Variants in ESR2 observed in about 807,000 individuals in gnomAD.
ESR2 encodes the protein estrogen receptor 2.
A neutral mutation model predicts 49.6 loss-of-function variants in ESR2; 36 were observed. The observed-to-expected ratio is 0.73, with a 90% CI of 0.56 to 0.96. The LOEUF (loss-of-function observed/expected upper bound fraction) is 0.96. ESR2 is among the 40% of genes least tolerant of loss of function. The probability of loss-of-function intolerance (pLI) is 0.00; values close to 1 mark genes in which losing one functional copy is unlikely to be tolerated. For missense variants in ESR2, 714 were observed against 693.0 expected (o/e 1.03, Z -0.34); for synonymous variants, 320 against 266.1 (o/e 1.20, Z -1.97).
upstream of ESR2, among the ~76,000 whole-genome samples, chr14:64,296,801 A>G (rs1462337155): frequency 2.0e-5 from 3 of 152,288 alleles, no homozygotes; most frequent in East Asian, 5.8e-4. Flanking sequence ...ATACAAGGAA[A>G]CCTCACTGCA....
At chr14:64,247,029 A>G (rs1002169551) in intron 7 of ESR2, among the ~76,000 whole-genome samples, 2 of 152,140 alleles carry the variant, frequency 1.3e-5, no homozygotes, top group Non-Finnish European at 2.9e-5. Flanking sequence ...TTCAGGGGCT[A>G]ACCCCACCCT....
chr14:64,249,617 G>C lies in ESR2; in HGVS notation c.1154C>G (p.Ser385Ter). The C allele has an allele frequency of 6.2e-7, 1 of 1,613,806 alleles. No homozygotes were observed. Among genetic ancestry groups the C allele is most frequent in the Non-Finnish European group, 8.5e-7 (1 of 1,179,874 alleles). Residue 385 changes from serine (S) to a stop codon, truncating the protein, a stop_gained, in exon 7 of 9, where the codon TCA becomes TGA. Coordinates refer to ENST00000341099, the MANE Select transcript of ESR2 (RefSeq NM_001437.3). LOFTEE classifies it high-confidence loss of function. ...TTGGAGTTTTAACTCTCGAAACCTT[G>C]AAGTAGTTGCCAGGAGCATGTCAAA... ...EIFDMLLATTSRFRELKLQHK... is the reference protein window; with the variant it reads ...EIFDMLLATT
At chr14:64,307,615 A>AT (rs2077123147) in intron 1 of ESR2, among the ~76,000 whole-genome samples, 1 of 151,528 alleles carries the variant, frequency 6.6e-6, no homozygotes, top group Admixed American at 6.6e-5. Flanking sequence ...GCTCACTGCA[A>AT]TCTCCGCCTC....
rs150098685 is a variant in ESR2, at chr14:64,236,399, C to T, written c.1226-1249G>A. ...CCACTGTCGCCCCAGAGATGACTTGCCCTCCCACCGCAGGGGAAACAAGAC... is the reference window on the plus strand; with the variant it reads ...CCACTGTCGCCCCAGAGATGACTTGTCCTCCCACCGCAGGGGAAACAAGAC... On this transcript the variant is annotated intron_variant, in intron 7 of 8. Transcript: ENST00000341099. Among the ~76,000 whole-genome samples the T allele has an allele frequency of 3.3e-3, 506 of 152,248 alleles. 1 individual carries two copies. The highest frequency in any genetic ancestry group is 0.012 in the African/African-American group (483 of 41,536).
At chr14:64,287,137 G>A (rs182706872) in intron 1 of ESR2, among the ~76,000 whole-genome samples, 4 of 151,388 alleles carry the variant, frequency 2.6e-5, no homozygotes, top group Admixed American at 6.6e-5. Flanking sequence ...ACATTATTGT[G>A]CAACCAATCT....
At chr14:64,248,055 G>T (rs1401735670) in intron 7 of ESR2, among the ~76,000 whole-genome samples, 2 of 152,170 alleles carry the variant, frequency 1.3e-5, no homozygotes, top group Non-Finnish European at 2.9e-5. Context: ...TTATTCGGGT[G>T]TGGTGGCAGG....
chr14:64,228,340 CACTT>C lies in ESR2; in HGVS notation c.*4793_*4796del, dbSNP rs2098724181. Reference sequence around the variant, plus strand: ...CATTTTTAAAGCCAAAATAATGAAACACTTTATTTATATCATGTTAAACTCTCTA... The same window carrying C: ...CATTTTTAAAGCCAAAATAATGAAACTATTTATATCATGTTAAACTCTCTA... On this transcript the variant is annotated 3_prime_UTR_variant, in exon 9 of 9. Coordinates refer to ENST00000341099, the MANE Select transcript of ESR2 (RefSeq NM_001437.3). 6.6e-6 allele frequency among the ~76,000 whole-genome samples: 1 copy of C among 152,164 alleles called. No homozygotes were observed. Among genetic ancestry groups the C allele is most frequent in the South Asian group, 2.1e-4 (1 of 4,832 alleles).
chr14:64,292,314 T>C (rs1291935043), intron 1 of ESR2, among the ~76,000 whole-genome samples: 1 of 152,190 alleles, frequency 6.6e-6, no homozygotes, highest in Non-Finnish European at 1.5e-5. Context: ...TCAGTGATTT[T>C]CAGGGGCAGT....
chr14:64,267,488 T>C (rs1809849733), intron 4 of ESR2, among the ~76,000 whole-genome samples: 3 of 152,172 alleles, frequency 2.0e-5, no homozygotes, highest in Admixed American at 1.3e-4. Context: ...GAACTTCTGC[T>C]GTAACTGAAC....
chr14:64,269,834 G>C (rs890664224), intron 3 of ESR2, among the ~76,000 whole-genome samples: 1 of 152,168 alleles, frequency 6.6e-6, no homozygotes, highest in African/African-American at 2.4e-5. Context: ...GCAAGGAAGA[G>C]CTAAGAATAT....
At chr14:64,234,183 A>G (rs539623000) in intron 8 of ESR2, 5 of 152,402 alleles carry the variant, frequency 3.3e-5, no homozygotes, top group African/African-American at 9.6e-5. Flanking sequence ...GTGCTGAGCA[A>G]TCATTAAAGG....
intron 3 of ESR2, among the ~76,000 whole-genome samples, chr14:64,276,283 C>G (rs963501247): frequency 6.6e-6 from 1 of 151,770 alleles, no homozygotes; most frequent in African/African-American, 2.4e-5. Flanking sequence ...CAAGCAAATG[C>G]CAGAACCCAA....
intron 1 of ESR2, among the ~76,000 whole-genome samples, chr14:64,316,360 T>C: frequency 6.6e-6 from 1 of 152,244 alleles, no homozygotes; most frequent in South Asian, 2.1e-4. Flanking sequence ...CATATCCGGA[T>C]GGTCTCACTG....
intron 1 of ESR2, chr14:64,330,838 T>C (rs1270858506): frequency 1.3e-5 from 2 of 151,766 alleles, no homozygotes; most frequent in East Asian, 1.9e-4. Flanking sequence ...GGCAGAAGAA[T>C]TGCTTGAACC....
At chr14:64,245,099 C>A (rs1433345625) in intron 7 of ESR2, among the ~76,000 whole-genome samples, 1 of 152,084 alleles carries the variant, frequency 6.6e-6, no homozygotes, top group Non-Finnish European at 1.5e-5. Flanking sequence ...CCTGTACTTA[C>A]AAATCCTTAA....
At chr14:64,259,190 T>C (rs1251141518) in intron 5 of ESR2, among the ~76,000 whole-genome samples, 5 of 152,224 alleles carry the variant, frequency 3.3e-5, no homozygotes, top group African/African-American at 1.2e-4. Context: ...AAGGTGAAGA[T>C]GCTAGACAAA....
At chr14:64,276,794 C>T (rs1024493900) in intron 3 of ESR2, among the ~76,000 whole-genome samples, 7 of 152,090 alleles carry the variant, frequency 4.6e-5, no homozygotes, top group African/African-American at 1.4e-4. Flanking sequence ...GGAAATTTAA[C>T]AACAGAAATG....
At chr14:64,331,694 C>T (rs955258776) in intron 1 of ESR2, among the ~76,000 whole-genome samples, 22 of 151,864 alleles carry the variant, frequency 1.4e-4, no homozygotes, top group African/African-American at 5.1e-4. Flanking sequence ...AGCGTGGTGG[C>T]GCGCCTGTAA....
intron 1 of ESR2, among the ~76,000 whole-genome samples, chr14:64,335,192 G>A (rs1029312152): frequency 2.0e-5 from 3 of 152,170 alleles, no homozygotes; most frequent in Non-Finnish European, 2.9e-5. Flanking sequence ...AGTGATCAGG[G>A]AAGGCACACA....
Sources: gnomAD v4.1 joint callset for allele counts (sites outside exome capture counted in the v4.1 genomes callset) on GRCh38, gnomAD v4.1.1 for gene constraint, MANE v1.5 for transcripts, NCBI Gene and HGNC (gene_info 2026-07-23, HGNC 2026-07-21) for gene names.